DMKN: variants seen among roughly 807,000 people sequenced by gnomAD.
The protein encoded by DMKN is dermokine.
Under a neutral mutation model 67.6 loss-of-function variants are expected in DMKN, and 58 were observed. The observed-to-expected ratio is 0.86, with a 90% CI of 0.69 to 1.07. The LOEUF (loss-of-function observed/expected upper bound fraction) is 1.07, where lower values mean the gene tolerates loss of function less well. Among genes scored for constraint, DMKN ranks in the 50% least tolerant of loss-of-function variants. The probability of loss-of-function intolerance (pLI) is 0.00; values close to 1 mark genes in which losing one functional copy is unlikely to be tolerated. For missense variants in DMKN, 596 were observed against 601.5 expected (o/e 0.99, Z 0.10); for synonymous variants, 240 against 232.3 (o/e 1.03, Z -0.30).
At chr19:35,507,495 C>T in intron 7 of DMKN, 1 of 1,551,500 alleles carries the variant, frequency 6.4e-7, no homozygotes, top group Middle Eastern at 1.7e-4. Flanking sequence ...GAGGCGATTG[C>T]CCTCTTTGCT....
chr19:35,499,579 C>T (rs1387588158), intron 13 of DMKN, among the ~76,000 whole-genome samples: 2 of 152,100 alleles, frequency 1.3e-5, no homozygotes, highest in African/African-American at 4.8e-5. Flanking sequence ...ATTCCATCTT[C>T]CCCCGCAAAA....
Position 35,512,663 on chromosome 19 carries a change from C to A in DMKN, c.554G>T (p.Gly185Val), listed in dbSNP as rs138720103. The change falls in exon 2 of 16, where the codon GGA becomes GTA. Residue 185 changes from glycine (G) to valine (V), a missense_variant. Coordinates refer to ENST00000339686, the MANE Select transcript of DMKN (RefSeq NM_033317.5). ...GYPGNSAGSFGMNPQGAPWGQ... is the reference protein window; with the variant it reads ...GYPGNSAGSFVMNPQGAPWGQ... Reference sequence around the variant, plus strand: ...CCAGGGAGCTCCCTGAGGATTCATTCCAAAGCTGCCTGCTGAGTTTCCGGG... The same window carrying A: ...CCAGGGAGCTCCCTGAGGATTCATTACAAAGCTGCCTGCTGAGTTTCCGGG... 1.1e-5 allele frequency: 17 copies of A among 1,614,214 alleles called. No individual in the cohort carries two copies. The highest frequency in any genetic ancestry group is 1.7e-5 in the Admixed American group (1 of 60,028).
intron 14 of DMKN, 23 bp from the exon 15 acceptor site, chr19:35,498,786 G>A (rs1179606800): frequency 1.2e-6 from 2 of 1,614,078 alleles, no homozygotes; most frequent in Non-Finnish European, 1.7e-6. Flanking sequence ...GAGAAAGTCT[G>A]AGTGGCCACC....
At chr19:35,507,574 C>A in intron 7 of DMKN, 1 of 1,433,994 alleles carries the variant, frequency 7.0e-7, no homozygotes. Context: ...GACGAGAGGG[C>A]AAGGAAGCAG....
intron 7 of DMKN, chr19:35,506,571 G>A (rs1428805733): frequency 2.1e-6 from 1 of 475,090 alleles, no homozygotes; most frequent in Non-Finnish European, 4.2e-6. Flanking sequence ...TGGTGACATG[G>A]AAAGCTGTAC....
intron 7 of DMKN, chr19:35,506,514 T>A (rs753966820): frequency 2.3e-5 from 12 of 511,098 alleles, no homozygotes; most frequent in South Asian, 1.8e-4. Flanking sequence ...CCATGCCTTA[T>A]GCAGCATCTG....
In DMKN at chr19:35,512,971, C is replaced by G; in HGVS notation, c.426+79G>C. 1.9e-6 allele frequency: 3 copies of G among 1,580,192 alleles called. No homozygotes were observed. In the Admixed American group the frequency reaches 5.1e-5, roughly 27 times the overall value. On this transcript the variant is annotated intron_variant, in intron 1 of 15. Transcript: ENST00000339686. Reference sequence around the variant, plus strand: ...GCCTGCAAGTAAGAGATCCATCCATCCTTTCAACCGTTTCCCAAGAATCTC... The same window carrying G: ...GCCTGCAAGTAAGAGATCCATCCATGCTTTCAACCGTTTCCCAAGAATCTC...
At position 35,502,117 on chromosome 19, in the gene DMKN, G is replaced by C; in HGVS notation, c.1239+19C>G. On this transcript the variant is annotated intron_variant, in intron 11 of 15. Coordinates refer to ENST00000339686, the MANE Select transcript of DMKN (RefSeq NM_033317.5). ...CCCGAACCCTGTGTCCCAGAGCTGAGAAGTCCTGCCCCCCTTACCTCAATA... is the reference window on the plus strand; with the variant it reads ...CCCGAACCCTGTGTCCCAGAGCTGACAAGTCCTGCCCCCCTTACCTCAATA... 2 of 1,614,154 alleles carry C rather than the reference G, an allele frequency of 1.2e-6. No individual in the cohort carries two copies. The highest frequency in any genetic ancestry group is 2.2e-5 in the South Asian group (2 of 91,076).
At position 35,511,468 on chromosome 19, in the gene DMKN, A is replaced by C; in HGVS notation, c.861T>G (p.Gly287=). ...TGCCACCACTGTTGCCACTGCTGCC[A>C]CCACTGCTGCCGCCACTGCTGCCGC... ...SSGGSSGGSS[G]GSSGNSGGSR... The change falls in exon 5 of 16, where the codon GGT becomes GGG. Residue 287 remains glycine, a synonymous_variant. Transcript: ENST00000339686. The C allele has an allele frequency of 9.1e-7, 1 of 1,095,870 alleles. No homozygotes were observed. The highest frequency in any genetic ancestry group is 1.2e-6 in the Non-Finnish European group (1 of 860,412). The allele number at this position is 1,095,870 out of a possible 1,614,324, so 67.9% of individuals were successfully genotyped here. A position where few individuals can be genotyped will look rare whatever the true frequency, so the allele number is the denominator to read the frequency against.
rs142063810 is a variant in DMKN at position 35,512,636 on chromosome 19, C to G, written c.581G>C (p.Gly194Ala). The G allele has an allele frequency of 3.3e-4, 529 of 1,614,148 alleles. 2 individuals carry two copies. Among genetic ancestry groups the G allele is most frequent in the Middle Eastern group, 2.0e-3 (12 of 6,060 alleles). Residue 194 changes from glycine (G) to alanine (A), a missense_variant, in exon 2 of 16, where the codon GGT (glycine) becomes GCT (alanine). Gly to Ala is a moderately conservative substitution (Grantham distance 60, BLOSUM62 0). Transcript: ENST00000339686. ...FGMNPQGAPW[G>A]QGGNGGPPNF... ...TGGTGGCCCTCCATTGCCTCCTTGA[C>G]CCCAGGGAGCTCCCTGAGGATTCAT...
chr19:35,513,253 TC>T lies in DMKN; in HGVS notation c.222del (p.Thr75ProfsTer17). 6.2e-7 allele frequency: 1 copy of T among 1,614,194 alleles called. No homozygotes were observed. Among genetic ancestry groups the T allele is most frequent in the Non-Finnish European group, 8.5e-7 (1 of 1,180,020 alleles). On this transcript the variant is annotated frameshift_variant, in exon 1 of 16. Transcript: ENST00000339686. LOFTEE classifies it high-confidence loss of function. ...GSKVSEALGQ[G>X]TREAVGTGVR... The stretch of plus-strand genomic sequence containing the variant: ...ACTCCAGTGCCAACTGCTTCTCTGG[TC>T]CCTTGGCCAAGGGCCTCACTGACTT...
chr19:35,512,431 T>C lies in DMKN; in HGVS notation c.674A>G (p.Gln225Arg), dbSNP rs1467421657. The change falls in exon 3 of 16, where the codon CAG becomes CGG. Residue 225 changes from glutamine to arginine, a missense_variant. Coordinates refer to ENST00000339686, the MANE Select transcript of DMKN (RefSeq NM_033317.5). ...PGYGSVRASN[Q>R]NEGCTNPPPS... ...GCCCCTTCCTCTTACCCCTTCATTC[T>C]GGTTGCTGGCTCTCACTGAACCATA... The C allele has an allele frequency of 6.2e-7, 1 of 1,614,064 alleles. No individual in the cohort carries two copies. The highest frequency in any genetic ancestry group is 1.3e-5 in the African/African-American group (1 of 74,928).
At chr19:35,506,382 A>G in intron 7 of DMKN, 1 of 635,128 alleles carries the variant, frequency 1.6e-6, no homozygotes, top group Non-Finnish European at 2.8e-6. Flanking sequence ...GATTGCTCCC[A>G]TGGAACCCCA....
rs188806019 is a variant in DMKN at position 35,505,041 on chromosome 19, A to G, written c.1134+677T>C. Among the ~76,000 whole-genome samples, 401 of 151,066 alleles carry G rather than the reference A, an allele frequency of 2.7e-3. 4 individuals are homozygous for G. The highest frequency in any genetic ancestry group is 9.0e-3 in the African/African-American group (372 of 41,228). The stretch of plus-strand genomic sequence containing the variant: ...CATATTCTTAAAAAAAAAAAAAAAT[A>G]GAGTGTCTCAAAAACCCATCCTCCA... On this transcript the variant is annotated intron_variant, in intron 9 of 15. Coordinates refer to ENST00000339686, the MANE Select transcript of DMKN (RefSeq NM_033317.5).
intron 7 of DMKN, chr19:35,506,203 G>GCTTCCTATCAT: frequency 6.7e-7 from 1 of 1,493,950 alleles, no homozygotes; most frequent in Non-Finnish European, 8.9e-7. Context: ...GGGAAAAGGG[G>GCTTCCTATCAT]GACCGATGTC....
At chr19:35,509,759 T>G in intron 7 of DMKN, 152 bp downstream of exon 7, 1 of 833,104 alleles carries the variant, frequency 1.2e-6, no homozygotes. Context: ...TCGTTAGCAT[T>G]TTTAGGAGTG....
chr19:35,504,170 G>C (rs553781499), intron 9 of DMKN, among the ~76,000 whole-genome samples: 1 of 150,262 alleles, frequency 6.7e-6, no homozygotes, highest in Non-Finnish European at 1.5e-5. Context: ...AAACTGGCAG[G>C]GTGTCTATCC....
intron 13 of DMKN, chr19:35,499,416 TTA>T (rs1272046709): frequency 5.5e-6 from 1 of 180,332 alleles, no homozygotes; most frequent in African/African-American, 2.4e-5. Flanking sequence ...TTTACTGATG[TTA>T]TGAGATTGCC....
Position 35,512,409 on chromosome 19 carries a change from C to A in DMKN, c.684+12G>T, listed in dbSNP as rs1344430595. On this transcript the variant is annotated intron_variant, in intron 3 of 15. Coordinates refer to ENST00000339686, the MANE Select transcript of DMKN (RefSeq NM_033317.5). ...GTGGCTTCTTCATTTGTTCCCAGCC[C>A]CTTCCTCTTACCCCTTCATTCTGGT... 1 of 1,613,948 alleles carries A rather than the reference C, an allele frequency of 6.2e-7. No homozygotes were observed. The highest frequency in any genetic ancestry group is 8.5e-7 in the Non-Finnish European group (1 of 1,179,908).
Sources: allele counts gnomAD v4.1 joint callset (sites outside exome capture counted in the v4.1 genomes callset), GRCh38; gene constraint gnomAD v4.1.1; transcripts MANE v1.5; gene names NCBI Gene and HGNC (gene_info 2026-07-23, HGNC 2026-07-21).